CNTN1: variants seen among roughly 807,000 people sequenced by gnomAD.
CNTN1 encodes the protein contactin-1.
A neutral mutation model predicts 126.4 loss-of-function variants in CNTN1; 38 were observed. The ratio of observed to expected loss-of-function variants is 0.30; its 90% CI spans 0.23 to 0.39. The LOEUF is 0.39. Ranked by LOEUF, CNTN1 falls within the 10% of genes least tolerant of loss-of-function variation. The probability of loss-of-function intolerance (pLI) is 1.00; values close to 1 mark genes in which losing one functional copy is unlikely to be tolerated. For missense variants in CNTN1, 1,009 were observed against 1,248.4 expected, an observed-to-expected ratio of 0.81 and a Z score of 2.89; for synonymous variants, 413 against 422.6, an observed-to-expected ratio of 0.98 and a Z score of 0.28.
rs1412220855 is a variant in CNTN1, at chr12:41,070,648, T to G, written c.*613T>G. On this transcript the variant is annotated 3_prime_UTR_variant, in exon 24 of 24. Transcript: ENST00000551295. ...ACTATTGAAAACCAAATTCTAGAAC[T>G]TACTATCAGTATTCTTATTTTCAAA... 1 of 152,372 alleles carries G rather than the reference T, an allele frequency of 6.6e-6. No homozygotes were observed. Among genetic ancestry groups the G allele is most frequent in the African/African-American group, 2.4e-5 (1 of 41,456 alleles). 9.4% of individuals were successfully genotyped at this position (152,372 alleles called of 1,614,324 possible).
At chr12:40,788,149 A>C (rs1387938821) in intron 1 of CNTN1, among the ~76,000 whole-genome samples, 1 of 152,170 alleles carries the variant, frequency 6.6e-6, no homozygotes, top group African/African-American at 2.4e-5. Flanking sequence ...AGATTCCTAG[A>C]GAATTGCTCC....
intron 1 of CNTN1, among the ~76,000 whole-genome samples, chr12:40,780,145 G>A (rs141898650): frequency 8.5e-4 from 129 of 152,022 alleles, no homozygotes; most frequent in South Asian, 3.5e-3. Flanking sequence ...CGGCTGATCA[G>A]TACAGGTATA....
intron 20 of CNTN1, among the ~76,000 whole-genome samples, chr12:41,022,733 CTAT>C (rs1212167401): frequency 2.6e-5 from 4 of 152,128 alleles, no homozygotes; most frequent in Admixed American, 1.3e-4. Context: ...AGGATAGACA[CTAT>C]TATTATCCCT....
At chr12:40,763,648 A>T (rs1357766382) in intron 1 of CNTN1, among the ~76,000 whole-genome samples, 2 of 152,220 alleles carry the variant, frequency 1.3e-5, no homozygotes, top group Non-Finnish European at 2.9e-5. Context: ...TTTGTAGGCC[A>T]TTTAAAGTAT....
chr12:41,005,379 A>G (rs1948465236), intron 17 of CNTN1, among the ~76,000 whole-genome samples: 1 of 151,934 alleles, frequency 6.6e-6, no homozygotes. Flanking sequence ...TTTCATTTCA[A>G]TCTTTAAAAA....
At chr12:40,943,524 T>C in intron 12 of CNTN1, 73 bp from the exon 13 acceptor site, 1 of 1,160,140 alleles carries the variant, frequency 8.6e-7, no homozygotes, top group Non-Finnish European at 1.3e-6. Context: ...AATATTAGTG[T>C]TTGTAATCTA....
intron 1 of CNTN1, among the ~76,000 whole-genome samples, chr12:40,855,584 G>T (rs1942877255): frequency 6.6e-6 from 1 of 151,724 alleles, no homozygotes; most frequent in Non-Finnish European, 1.5e-5. Flanking sequence ...TTTCCTATAA[G>T]GTTTTAAGTG....
chr12:40,966,683 G>A (rs1006658292), intron 15 of CNTN1, among the ~76,000 whole-genome samples: 8 of 152,060 alleles, frequency 5.3e-5, no homozygotes, highest in African/African-American at 7.2e-5. Flanking sequence ...CAAGTTCAGC[G>A]TAAATTGAGG....
intron 16 of CNTN1, among the ~76,000 whole-genome samples, chr12:40,986,870 C>A (rs935272074): frequency 6.6e-6 from 1 of 152,142 alleles, no homozygotes; most frequent in Non-Finnish European, 1.5e-5. Context: ...GATCTCCCCA[C>A]GTTTTTAAAC....
Position 40,756,736 on chromosome 12 carries a change from C to T in CNTN1, c.-77+64144C>T, listed in dbSNP as rs536031281. Among the ~76,000 whole-genome samples the T allele has an allele frequency of 9.9e-5, 15 of 152,246 alleles. No individual in the cohort carries two copies. In the South Asian group the frequency reaches 2.1e-3, roughly 21 times the overall value. Reference sequence around the variant, plus strand: ...CACATGTCACCTCCAAGAGGCTTCGCGTCATCATCCAATTTGAAGTAGTCC... The same window carrying T: ...CACATGTCACCTCCAAGAGGCTTCGTGTCATCATCCAATTTGAAGTAGTCC... On this transcript the variant is annotated intron_variant, in intron 1 of 23. Coordinates refer to ENST00000551295, the MANE Select transcript of CNTN1 (RefSeq NM_001843.4).
intron 1 of CNTN1, among the ~76,000 whole-genome samples, chr12:40,794,343 ATAGTGTTT>A (rs1940330434): frequency 6.6e-6 from 1 of 152,018 alleles, no homozygotes; most frequent in Non-Finnish European, 1.5e-5. Flanking sequence ...ACAGAGTGGA[ATAGTGTTT>A]TATTCCTCTC....
intron 1 of CNTN1, among the ~76,000 whole-genome samples, chr12:40,818,629 A>T (rs1369328112): frequency 1.3e-5 from 2 of 152,086 alleles, no homozygotes; most frequent in Non-Finnish European, 2.9e-5. Context: ...CCTTTAGCTC[A>T]TCATAGTTTT....
intron 1 of CNTN1, among the ~76,000 whole-genome samples, chr12:40,782,572 G>A (rs1268343603): frequency 1.3e-5 from 2 of 151,890 alleles, no homozygotes; most frequent in Non-Finnish European, 2.9e-5. Context: ...ACTAGATGAG[G>A]TCTGTCTAAC....
At chr12:40,940,852 G>T (rs1051538315) in intron 12 of CNTN1, among the ~76,000 whole-genome samples, 2 of 152,250 alleles carry the variant, frequency 1.3e-5, no homozygotes, top group Admixed American at 6.5e-5. Flanking sequence ...TCAATTTGCC[G>T]CTGAAACATT....
chr12:40,800,024 C>A (rs1458817404), intron 1 of CNTN1, among the ~76,000 whole-genome samples: 1 of 151,986 alleles, frequency 6.6e-6, no homozygotes, highest in Admixed American at 6.6e-5. Context: ...CACTTTACAA[C>A]TAATTGGGAA....
chr12:40,874,087 T>C (rs2136677983), intron 1 of CNTN1, among the ~76,000 whole-genome samples: 1 of 152,156 alleles, frequency 6.6e-6, no homozygotes, highest in African/African-American at 2.4e-5. Flanking sequence ...TACTCAGGAG[T>C]TTGGGTTCAA....
intron 1 of CNTN1, among the ~76,000 whole-genome samples, chr12:40,754,351 A>G (rs1454871554): frequency 1.3e-5 from 2 of 152,118 alleles, no homozygotes; most frequent in African/African-American, 4.8e-5. Context: ...ATGAAATGAC[A>G]TGGTATTTTC....
At chr12:40,929,359 A>C (rs1007875845) in intron 6 of CNTN1, among the ~76,000 whole-genome samples, 21 of 151,880 alleles carry the variant, frequency 1.4e-4, no homozygotes, top group South Asian at 8.3e-4. Flanking sequence ...CACACAAAAA[A>C]AAAAAGATAA....
At chr12:40,855,830 T>C (rs1248690077) in intron 1 of CNTN1, among the ~76,000 whole-genome samples, 4 of 152,294 alleles carry the variant, frequency 2.6e-5, no homozygotes, top group East Asian at 3.9e-4. Context: ...AATTCTGTTT[T>C]GAATTTGATC....
Sources: allele counts gnomAD v4.1 joint callset (sites outside exome capture counted in the v4.1 genomes callset), GRCh38; gene constraint gnomAD v4.1.1; transcripts MANE v1.5; gene names NCBI Gene and HGNC (gene_info 2026-07-23, HGNC 2026-07-21).